The following PCSK9 variants were observed in gnomAD, a reference collection of about 807,000 sequenced individuals.
PCSK9 encodes the protein proprotein convertase subtilisin/kexin type 9.
A neutral mutation model predicts 62.1 loss-of-function variants in PCSK9; 57 were observed. The observed-to-expected ratio is 0.92, with a 90% CI of 0.74 to 1.14. PCSK9 has a LOEUF of 1.14. Ranked by LOEUF, PCSK9 falls within the 50% of genes most tolerant of loss-of-function variation. The probability of loss-of-function intolerance (pLI) is 0.00; values close to 1 mark genes in which losing one functional copy is unlikely to be tolerated. For synonymous variants in PCSK9, 387 were observed against 409.4 expected (o/e 0.95, Z 0.66); for missense variants, 870 against 959.8 (o/e 0.91, Z 1.24).
rs1644581253 is a variant in PCSK9, at chr1:55,039,560, G to A, written c.-278G>A. 1 of 559,432 alleles carries A rather than the reference G, an allele frequency of 1.8e-6. No individual in the cohort carries two copies. Among genetic ancestry groups the A allele is most frequent in the East Asian group, 3.0e-5 (1 of 33,070 alleles). 34.7% of individuals were successfully genotyped at this position (559,432 alleles called of 1,614,324 possible). On this transcript the variant is annotated 5_prime_UTR_variant, in exon 1 of 12. Transcript: ENST00000302118. ...AGAAGGTTTCCGCAGCGACGTCGAG[G>A]CGCTCATGGTTGCAGGCGGGCGCCG...
In PCSK9 at chr1:55,058,047, A is replaced by G. The variant is rs766010409; in HGVS notation, c.1192A>G (p.Met398Val). The G allele has an allele frequency of 6.2e-7, 1 of 1,613,764 alleles. No homozygotes were observed. Among genetic ancestry groups the G allele is most frequent in the Non-Finnish European group, 8.5e-7 (1 of 1,180,026 alleles). ...AAAHVAGIAA[M>V]MLSAEPELTL... ...CACCCCTGCACCAGGCATTGCAGCC[A>G]TGATGCTGTCTGCCGAGCCGGAGCT... Residue 398 changes from methionine (M) to valine (V), a missense_variant, in exon 8 of 12, where the codon ATG (methionine) becomes GTG (valine). Transcript: ENST00000302118.
In PCSK9 at chr1:55,057,480, G is replaced by C; in HGVS notation, c.1146G>C (p.Gln382His). 1 of 1,613,730 alleles carries C rather than the reference G, an allele frequency of 6.2e-7. No homozygotes were observed. Among genetic ancestry groups the C allele is most frequent in the Non-Finnish European group, 8.5e-7 (1 of 1,179,964 alleles). ...SSDCSTCFVSQSGTSQAAAHV... is the reference protein window; with the variant it reads ...SSDCSTCFVSHSGTSQAAAHV... The stretch of plus-strand genomic sequence containing the variant: ...ACTGCAGCACCTGCTTTGTGTCACA[G>C]AGTGGGACATCACAGGCTGCTGCCC... The change falls in exon 7 of 12, where the codon CAG (glutamine) becomes CAC (histidine). Residue 382 changes from glutamine (Q) to histidine (H), a missense_variant. By Grantham distance (24) the Gln-to-His change is conservative. Transcript: ENST00000302118.
chr1:55,051,211 C>T (rs574183020), intron 3 of PCSK9: 17 of 456,172 alleles, frequency 3.7e-5, no homozygotes, highest in Admixed American at 1.6e-4. Context: ...AGGATCACTG[C>T]GGGGGCCACA....
chr1:55,061,623 CAGTT>C, intron 11 of PCSK9, 67 bp downstream of exon 11: 1 of 1,534,598 alleles, frequency 6.5e-7, no homozygotes, highest in Non-Finnish European at 8.8e-7. Context: ...TTTTCTGTGT[CAGTT>C]TGTGCCACCA....
chr1:55,042,175 G>C (rs1644602090), intron 1 of PCSK9, among the ~76,000 whole-genome samples: 1 of 152,078 alleles, frequency 6.6e-6, no homozygotes, highest in Non-Finnish European at 1.5e-5. Flanking sequence ...GCAAACTCCT[G>C]ACCTCCTCAG....
In PCSK9 at chr1:55,063,522, A is replaced by G. The variant is rs1177353786; in HGVS notation, c.2017A>G (p.Thr673Ala). 6.2e-7 allele frequency: 1 copy of G among 1,613,432 alleles called. No individual in the cohort carries two copies. Among genetic ancestry groups the G allele is most frequent in the African/African-American group, 1.3e-5 (1 of 74,934 alleles). ...TTGSTSEGAV[T>A]AVAICCRSRH... is the part of the protein sequence containing the mutation. Reference sequence around the variant, plus strand: ...AGGCAGCACCAGCGAAGGGGCCGTGACAGCCGTTGCCATCTGCTGCCGGAG... The same window carrying G: ...AGGCAGCACCAGCGAAGGGGCCGTGGCAGCCGTTGCCATCTGCTGCCGGAG... Residue 673 changes from threonine to alanine, a missense_variant, in exon 12 of 12, where the codon ACA (threonine) becomes GCA (alanine). Thr to Ala is a moderately conservative substitution (Grantham distance 58). Coordinates refer to ENST00000302118, the MANE Select transcript of PCSK9 (RefSeq NM_174936.4).
chr1:55,053,823 G>A (rs973785486), intron 5 of PCSK9, among the ~76,000 whole-genome samples: 3 of 152,216 alleles, frequency 2.0e-5, no homozygotes, highest in African/African-American at 7.2e-5. Context: ...GTCAGTTCCT[G>A]AAGGTCAGTG....
intron 5 of PCSK9, among the ~76,000 whole-genome samples, chr1:55,055,025 A>G (rs1334977383): frequency 6.8e-6 from 1 of 147,128 alleles, no homozygotes; most frequent in Non-Finnish European, 1.5e-5. Context: ...AAAAAAAAAG[A>G]GCTGTTACTG....
At chr1:55,042,108 G>A (rs915251509) in intron 1 of PCSK9, among the ~76,000 whole-genome samples, 3 of 152,092 alleles carry the variant, frequency 2.0e-5, no homozygotes, top group South Asian at 2.1e-4. Context: ...CACCACGCCC[G>A]GCTAATTTTT....
intron 1 of PCSK9, among the ~76,000 whole-genome samples, chr1:55,042,630 C>T (rs1644605711): frequency 6.6e-6 from 1 of 152,168 alleles, no homozygotes; most frequent in Non-Finnish European, 1.5e-5. Flanking sequence ...GAGGTAGGGG[C>T]CAAGGAGGAG....
chr1:55,059,511 G>T lies in PCSK9; in HGVS notation c.1529G>T (p.Arg510Leu). ...GCCCAAGGGGGCAAGCTGGTCTGCC[G>T]GGCCCACAACGCTTTTGGGGGTGAG... is the stretch of plus-strand genomic sequence containing the variant. ...MEAQGGKLVC[R>L]AHNAFGGEGV... Residue 510 changes from arginine to leucine, a missense_variant, in exon 10 of 12, where the codon CGG becomes CTG. Arg to Leu is a moderately radical substitution (Grantham distance 102). Transcript: ENST00000302118. The T allele has an allele frequency of 6.4e-7, 1 of 1,566,348 alleles. No homozygotes were observed. The highest frequency in any genetic ancestry group is 2.3e-5 in the East Asian group (1 of 42,908).
intron 10 of PCSK9, 71 bp from the exon 11 acceptor site, chr1:55,061,304 C>A: frequency 1.3e-6 from 2 of 1,492,854 alleles, no homozygotes; most frequent in Non-Finnish European, 1.8e-6. Flanking sequence ...GAGAGAGGGT[C>A]TGATGGGGAT....
intron 1 of PCSK9, among the ~76,000 whole-genome samples, chr1:55,042,686 G>T (rs1249362712): frequency 6.6e-6 from 1 of 152,184 alleles, no homozygotes; most frequent in African/African-American, 2.4e-5. Flanking sequence ...AGCCAGTGAA[G>T]GTTCTTAAGC....
chr1:55,051,176 A>C (rs1376294109), intron 3 of PCSK9: 1 of 456,150 alleles, frequency 2.2e-6, no homozygotes, highest in Non-Finnish European at 4.4e-6. Flanking sequence ...CTGAGATGAG[A>C]ATCTCTACTC....
At chr1:55,046,812 C>T (rs963287334) in intron 3 of PCSK9, among the ~76,000 whole-genome samples, 166 bp downstream of exon 3, 1 of 152,172 alleles carries the variant, frequency 6.6e-6, no homozygotes, top group African/African-American at 2.4e-5. Flanking sequence ...CTGCAGCCCC[C>T]ACTGCCTGCC....
In PCSK9 at chr1:55,063,850, G is replaced by A. The variant is rs937695786; in HGVS notation, c.*266G>A. The A allele has an allele frequency of 2.2e-5, 12 of 553,880 alleles. No homozygotes were observed. Among genetic ancestry groups the A allele is most frequent in the Middle Eastern group, 4.8e-4 (1 of 2,092 alleles). 34.3% of individuals were successfully genotyped at this position (553,880 alleles called of 1,614,324 possible). A position where few individuals can be genotyped will look rare whatever the true frequency, so the allele number is the denominator to read the frequency against. ...GGGCATTTCACCATTCAAACAGGTCGAGCTGTGCTCGGGTGCTGCCAGCTG... is the reference window on the plus strand; with the variant it reads ...GGGCATTTCACCATTCAAACAGGTCAAGCTGTGCTCGGGTGCTGCCAGCTG... On this transcript the variant is annotated 3_prime_UTR_variant, in exon 12 of 12. Coordinates refer to ENST00000302118, the MANE Select transcript of PCSK9 (RefSeq NM_174936.4).
chr1:55,057,400 G>A lies in PCSK9; in HGVS notation c.1066G>A (p.Gly356Ser). 2 of 1,614,182 alleles carry A rather than the reference G, an allele frequency of 1.2e-6. No homozygotes were observed. The highest frequency in any genetic ancestry group is 1.7e-6 in the Non-Finnish European group (2 of 1,180,036). The change falls in exon 7 of 12, where the codon GGC becomes AGC. Residue 356 changes from glycine (G) to serine (S), a missense_variant. Transcript: ENST00000302118. ...VTLGTLGTNFGRCVDLFAPGE... is the reference protein window; with the variant it reads ...VTLGTLGTNFSRCVDLFAPGE... ...CCTGGGGACTTTGGGGACCAACTTT[G>A]GCCGCTGTGTGGACCTCTTTGCCCC...
At chr1:55,059,377 C>T (rs1644741595) in intron 9 of PCSK9, 109 bp from the exon 10 acceptor site, 1 of 1,398,932 alleles carries the variant, frequency 7.1e-7, no homozygotes, top group East Asian at 2.5e-5. Context: ...TCTGGCTGGC[C>T]CCTGGCAGGG....
At chr1:55,060,478 G>A (rs1019307808) in intron 10 of PCSK9, among the ~76,000 whole-genome samples, 4 of 152,190 alleles carry the variant, frequency 2.6e-5, no homozygotes, top group African/African-American at 9.6e-5. Flanking sequence ...ACAGCAGGCT[G>A]GCATGTAGGA....
Sources: gnomAD v4.1 joint callset for allele counts (sites outside exome capture counted in the v4.1 genomes callset) on GRCh38, gnomAD v4.1.1 for gene constraint, MANE v1.5 for transcripts, NCBI Gene and HGNC (gene_info 2026-07-23, HGNC 2026-07-21) for gene names.